Variants in DAB1 observed in about 807,000 individuals in gnomAD.
The protein encoded by DAB1 is DAB adaptor protein 1, also known as disabled homolog 1.
DAB1 carries 15 observed loss-of-function variants against 64.6 expected under a neutral mutation model. That is an observed-to-expected ratio of 0.23 (90% CI 0.16 to 0.36). The LOEUF (loss-of-function observed/expected upper bound fraction) is 0.36, where lower values mean the gene tolerates loss of function less well. Among genes scored for constraint, DAB1 ranks in the 10% least tolerant of loss-of-function variants. The pLI, the probability that DAB1 is intolerant of heterozygous loss-of-function variation, is 1.00. For synonymous variants in DAB1, 235 were observed against 251.9 expected, an observed-to-expected ratio of 0.93 and a Z score of 0.64; for missense variants, 596 against 706.7, an observed-to-expected ratio of 0.84 and a Z score of 1.78.
chr1:57,109,900 A>G (rs2100719593), intron 4 of DAB1, among the ~76,000 whole-genome samples: 1 of 152,314 alleles, frequency 6.6e-6, no homozygotes, highest in East Asian at 1.9e-4. Flanking sequence ...AATGCTCATA[A>G]GCCTTTAAAT....
chr1:58,132,121 G>A lies in DAB1; in HGVS notation n.387+18390C>T, dbSNP rs545808437. Among the ~76,000 whole-genome samples, 34 of 152,258 alleles carry A rather than the reference G, an allele frequency of 2.2e-4. No homozygotes were observed. The South Asian group carries it at 3.5e-3, about 16-fold the overall frequency. On this transcript the variant is annotated intron_variant and non_coding_transcript_variant, in intron 5 of 20. Transcript: ENST00000485760. ...TAGCAATCAGCGAGACTCCGTGGGCGTAGGACCCTCCAAGCCAGGTGCAGG... is the reference window on the plus strand; with the variant it reads ...TAGCAATCAGCGAGACTCCGTGGGCATAGGACCCTCCAAGCCAGGTGCAGG...
At chr1:57,785,361 A>G (rs933480664) in intron 6 of DAB1, among the ~76,000 whole-genome samples, 5 of 152,186 alleles carry the variant, frequency 3.3e-5, no homozygotes, top group Non-Finnish European at 5.9e-5. Flanking sequence ...TATTTAAGAA[A>G]TACGATTCAT....
rs116026739 is a variant in DAB1 at position 57,004,511 on chromosome 1, C to T, written c.*15+6169G>A. ...GAGTGAGCCTACTTATGCCCCATCCCGGGGGCCTAGGGTAAGAAAAGTGCC... is the reference window on the plus strand; with the variant it reads ...GAGTGAGCCTACTTATGCCCCATCCTGGGGGCCTAGGGTAAGAAAAGTGCC... On this transcript the variant is annotated intron_variant, in intron 14 of 14. Coordinates refer to ENST00000371236, the MANE Select transcript of DAB1 (RefSeq NM_001365792.1). Among the ~76,000 whole-genome samples, 654 of 152,238 alleles carry T rather than the reference C, an allele frequency of 4.3e-3. 6 individuals are homozygous for T. The highest frequency in any genetic ancestry group is 0.015 in the African/African-American group (607 of 41,562).
chr1:57,896,032 C>T (rs979322398), intron 5 of DAB1, among the ~76,000 whole-genome samples: 1 of 152,164 alleles, frequency 6.6e-6, no homozygotes, highest in Non-Finnish European at 1.5e-5. Context: ...AGGGATGAGG[C>T]TTGATTCACT....
intron 7 of DAB1, among the ~76,000 whole-genome samples, chr1:57,535,252 G>A (rs1353093140): frequency 6.6e-6 from 1 of 152,074 alleles, no homozygotes; most frequent in African/African-American, 2.4e-5. Context: ...TAACATGAGG[G>A]CAGGGAACAT....
intron 4 of DAB1, among the ~76,000 whole-genome samples, chr1:57,126,609 A>T (rs1007868015): frequency 6.6e-6 from 1 of 152,226 alleles, no homozygotes; most frequent in African/African-American, 2.4e-5. Context: ...AATGACACGT[A>T]TGTCAAGCTC....
At chr1:57,016,752 GGA>G (rs1332061464) in intron 11 of DAB1, among the ~76,000 whole-genome samples, 1 of 152,076 alleles carries the variant, frequency 6.6e-6, no homozygotes, top group Non-Finnish European at 1.5e-5. Flanking sequence ...CATTTCAACA[GGA>G]GCACAAGCAA....
chr1:58,168,835 T>A (rs533134801), intron 4 of DAB1, among the ~76,000 whole-genome samples: 5 of 152,268 alleles, frequency 3.3e-5, no homozygotes, highest in African/African-American at 1.2e-4. Flanking sequence ...TTATAGGACA[T>A]GGGTAAAGTC....
chr1:57,763,070 C>T lies in DAB1; in HGVS notation n.552-113405G>A, dbSNP rs75684080. ...TGTCATCCACTCTACCACTCCCTCCCCTATTGCAAAATAAGCAAAATAAAT... is the reference window on the plus strand; with the variant it reads ...TGTCATCCACTCTACCACTCCCTCCTCTATTGCAAAATAAGCAAAATAAAT... On this transcript the variant is annotated intron_variant and non_coding_transcript_variant, in intron 6 of 20. Coordinates refer to the DAB1 transcript ENST00000485760. Among the ~76,000 whole-genome samples, 646 of 152,280 alleles carry T rather than the reference C, an allele frequency of 4.2e-3. 5 individuals carry two copies. Among genetic ancestry groups the T allele is most frequent in the African/African-American group, 0.015 (611 of 41,558 alleles).
At chr1:57,704,563 A>G (rs1363613552) in intron 6 of DAB1, among the ~76,000 whole-genome samples, 2 of 152,166 alleles carry the variant, frequency 1.3e-5, no homozygotes, top group African/African-American at 4.8e-5. Flanking sequence ...TTCCATTTTT[A>G]GCTTCTTTCT....
chr1:58,057,639 G>T (rs1648216220), intron 5 of DAB1, among the ~76,000 whole-genome samples: 1 of 152,212 alleles, frequency 6.6e-6, no homozygotes, highest in South Asian at 2.1e-4. Context: ...GGCAAGGAAG[G>T]ATTCTTCCCT....
At chr1:57,409,788 G>A (rs933090125) in intron 1 of DAB1, among the ~76,000 whole-genome samples, 1 of 152,190 alleles carries the variant, frequency 6.6e-6, no homozygotes, top group Non-Finnish European at 1.5e-5. Context: ...CAGCCTGGGT[G>A]ACAGAGCTAG....
chr1:58,077,271 T>C (rs754784017), intron 5 of DAB1, among the ~76,000 whole-genome samples: 10 of 152,178 alleles, frequency 6.6e-5, no homozygotes, highest in Non-Finnish European at 1.3e-4. Context: ...CAAGGTCACA[T>C]AGCAAATAGG....
intron 5 of DAB1, among the ~76,000 whole-genome samples, chr1:58,092,243 G>C (rs570139329): frequency 6.6e-6 from 1 of 151,468 alleles, no homozygotes; most frequent in East Asian, 1.9e-4. Flanking sequence ...GGCTGAGGCA[G>C]AGAATTGCTT....
At chr1:57,074,041 T>A (rs1180109841) in intron 4 of DAB1, among the ~76,000 whole-genome samples, 2 of 152,100 alleles carry the variant, frequency 1.3e-5, no homozygotes, top group Non-Finnish European at 2.9e-5. Context: ...CAGAGCCGGC[T>A]CATTTTTTTG....
At chr1:57,969,304 C>A (rs1422432300) in intron 5 of DAB1, among the ~76,000 whole-genome samples, 1 of 151,986 alleles carries the variant, frequency 6.6e-6, no homozygotes, top group African/African-American at 2.4e-5. Flanking sequence ...TAGAGCTTCA[C>A]AAATGTTAAT....
chr1:58,164,189 T>TAAAAAAAAA (rs71691727), intron 4 of DAB1, among the ~76,000 whole-genome samples: 1 of 115,472 alleles, frequency 8.7e-6, no homozygotes. Context: ...GAGCTCAGCT[T>TAAAAAAAAA]AAAAAAAAAA....
At chr1:57,791,649 C>T (rs1295320801) in intron 6 of DAB1, among the ~76,000 whole-genome samples, 2 of 152,092 alleles carry the variant, frequency 1.3e-5, no homozygotes, top group South Asian at 2.1e-4. Flanking sequence ...TATCACAGTG[C>T]CCAGCAGGTA....
Position 58,531,563 on chromosome 1 carries a change from T to C in DAB1, n.33-4228A>G, listed in dbSNP as rs888605940. 2.6e-5 allele frequency among the ~76,000 whole-genome samples: 4 copies of C among 152,200 alleles called. No individual in the cohort carries two copies. In the South Asian group the frequency reaches 6.2e-4, roughly 24 times the overall value. ...TAAAATAGCAGTCATTACTTGAATG[T>C]ATGAAAAATGACTGAAAACTAAAAA... On this transcript the variant is annotated intron_variant and non_coding_transcript_variant, in intron 1 of 20. Transcript: ENST00000485760.
Sources: gnomAD v4.1 joint callset for allele counts (sites outside exome capture counted in the v4.1 genomes callset) on GRCh38, gnomAD v4.1.1 for gene constraint, MANE v1.5 for transcripts, NCBI Gene and HGNC (gene_info 2026-07-23, HGNC 2026-07-21) for gene names.